The following TRAFD1 variants were observed in gnomAD, a reference collection of about 807,000 sequenced individuals.
TRAFD1 encodes TRAF-type zinc finger domain containing 1.
In TRAFD1, 38 loss-of-function variants were observed where a neutral mutation model predicts 65.3. That is an observed-to-expected ratio of 0.58 (90% CI 0.45 to 0.76). The LOEUF (loss-of-function observed/expected upper bound fraction) is 0.76, where lower values mean the gene tolerates loss of function less well. Among genes scored for constraint, TRAFD1 ranks in the 30% least tolerant of loss-of-function variants. The pLI is 0.00. For missense variants in TRAFD1, 631 were observed against 712.6 expected (o/e 0.89, Z 1.30); for synonymous variants, 223 against 257.2 (o/e 0.87, Z 1.27).
intron 4 of TRAFD1, among the ~76,000 whole-genome samples, chr12:112,138,252 A>G (rs574646078): frequency 1.3e-5 from 2 of 152,152 alleles, no homozygotes; most frequent in East Asian, 3.9e-4. Flanking sequence ...AAAAATAAAA[A>G]TAAAAATAAA....
intron 4 of TRAFD1, 111 bp downstream of exon 4, chr12:112,135,177 C>T: frequency 8.0e-7 from 1 of 1,245,014 alleles, no homozygotes; most frequent in Non-Finnish European, 1.2e-6. Flanking sequence ...AGCTCACATG[C>T]ATACTGTTTC....
intron 3 of TRAFD1, 55 bp downstream of exon 3, chr12:112,134,928 T>C: frequency 6.2e-7 from 1 of 1,612,162 alleles, no homozygotes; most frequent in Non-Finnish European, 8.5e-7. Context: ...CTGTTGTTCG[T>C]AAATGTATTC....
Position 112,140,824 on chromosome 12 carries a change from T to C in TRAFD1, c.243T>C (p.Thr81=), listed in dbSNP as rs1275463452. The C allele has an allele frequency of 3.7e-6, 6 of 1,613,952 alleles. No individual in the cohort carries two copies. The highest frequency in any genetic ancestry group is 5.1e-6 in the Non-Finnish European group (6 of 1,179,784). Reference sequence around the variant, plus strand: ...CTCATTCCTCTGTTTTGTAGGAGACTGAGTGCCCTTTGCGGCTTGCTGTCT... The same window carrying C: ...CTCATTCCTCTGTTTTGTAGGAGACCGAGTGCCCTTTGCGGCTTGCTGTCT... ...EKRLLKKHEE[T]ECPLRLAVCQ... is the part of the protein sequence containing the mutation. Residue 81 remains threonine (T), a synonymous_variant, in exon 5 of 12, where the codon ACT becomes ACC. Coordinates refer to ENST00000412615, the MANE Select transcript of TRAFD1 (RefSeq NM_006700.3).
At chr12:112,143,302 A>G (rs916993245) in intron 6 of TRAFD1, among the ~76,000 whole-genome samples, 2 of 152,018 alleles carry the variant, frequency 1.3e-5, no homozygotes, top group South Asian at 2.1e-4. Context: ...GATTGTCTCG[A>G]TCTCCTGACC....
chr12:112,134,520 T>C (rs561577329), intron 2 of TRAFD1, among the ~76,000 whole-genome samples: 1 of 152,138 alleles, frequency 6.6e-6, no homozygotes, highest in East Asian at 1.9e-4. Flanking sequence ...CTTCCCAAAG[T>C]GCTGAGATTA....
At chr12:112,135,211 C>T (rs554013624) in intron 4 of TRAFD1, 145 bp downstream of exon 4, 1 of 919,554 alleles carries the variant, frequency 1.1e-6, no homozygotes, top group East Asian at 2.6e-5. Context: ...GAGGCCTTGA[C>T]TATGTAACTG....
At chr12:112,126,375 A>G (rs1040215121) in intron 1 of TRAFD1, among the ~76,000 whole-genome samples, 1 of 151,576 alleles carries the variant, frequency 6.6e-6, no homozygotes, top group South Asian at 2.1e-4. Flanking sequence ...CTGTGCCTCA[A>G]CTCTTCCGTG....
chr12:112,138,807 G>A lies in TRAFD1; in HGVS notation c.238-2012G>A, dbSNP rs370438989. Among the ~76,000 whole-genome samples, 7 of 132,106 alleles carry A rather than the reference G, an allele frequency of 5.3e-5. No homozygotes were observed. The East Asian group carries it at 6.7e-4, about 13-fold the overall frequency. 86.7% of individuals were successfully genotyped at this position (132,106 alleles called of 152,430 possible). A position where few individuals can be genotyped will look rare whatever the true frequency, so the allele number is the denominator to read the frequency against. On this transcript the variant is annotated intron_variant, in intron 4 of 11. Transcript: ENST00000412615. ...CAGGAGGCAGAGGTTGCACTGAGTC[G>A]AAATCATGCCATTGTACTCCAGCCT... is the stretch of plus-strand genomic sequence containing the variant.
intron 4 of TRAFD1, among the ~76,000 whole-genome samples, chr12:112,136,905 C>T (rs781341110): frequency 1.2e-4 from 18 of 152,312 alleles, no homozygotes; most frequent in Non-Finnish European, 2.1e-4. Context: ...AACTGGCCAA[C>T]GTTGAATGAG....
At position 112,145,584 on chromosome 12, in the gene TRAFD1, A is replaced by C; in HGVS notation, c.851-2A>C. On this transcript the variant is annotated splice_acceptor_variant, in intron 6 of 11. Coordinates refer to ENST00000412615, the MANE Select transcript of TRAFD1 (RefSeq NM_006700.3). LOFTEE classifies it high-confidence loss of function. ...AGTCTCATTGTGTGGCCTAATACCT[A>C]GGTGCAGCTGACGAGATCATGTTGC... 1.2e-6 allele frequency: 2 copies of C among 1,614,098 alleles called. No individual in the cohort carries two copies. The highest frequency in any genetic ancestry group is 1.7e-6 in the Non-Finnish European group (2 of 1,179,980).
At chr12:112,133,965 C>A (rs947754275) in intron 2 of TRAFD1, among the ~76,000 whole-genome samples, 2 of 150,458 alleles carry the variant, frequency 1.3e-5, no homozygotes, top group Non-Finnish European at 3.0e-5. Context: ...CTCAGCCTCC[C>A]AATGTGCTGG....
chr12:112,142,149 AAG>A lies in TRAFD1; in HGVS notation c.709_710del (p.Ser237CysfsTer14). 6.2e-7 allele frequency: 1 copy of A among 1,614,010 alleles called. No homozygotes were observed. Among genetic ancestry groups the A allele is most frequent in the Non-Finnish European group, 8.5e-7 (1 of 1,179,994 alleles). ...CAACAGCCCCCCAAAGAGGGTGGTG[AAG>A]AGAGTGCAAACTTGGACTTCATGTT... On this transcript the variant is annotated frameshift_variant, in exon 6 of 12. Transcript: ENST00000412615. LOFTEE classifies it high-confidence loss of function.
Position 112,134,790 on chromosome 12 carries a change from AG to A in TRAFD1, c.102del (p.Asn35ThrfsTer28). ...TACCATCCATGAGATCCACTGTCAA[AG>A]GAACATTGGTATGTGTCCTACCTGT... The part of the protein sequence containing the change: ...NFTIHEIHCQ[R>X]NIGMCPTCKE... On this transcript the variant is annotated frameshift_variant, in exon 3 of 12. Coordinates refer to ENST00000412615, the MANE Select transcript of TRAFD1 (RefSeq NM_006700.3). LOFTEE classifies it high-confidence loss of function. 6.2e-7 allele frequency: 1 copy of A among 1,613,698 alleles called. No homozygotes were observed. Among genetic ancestry groups the A allele is most frequent in the Non-Finnish European group, 8.5e-7 (1 of 1,179,562 alleles).
chr12:112,143,204 C>A (rs556586975), intron 6 of TRAFD1, among the ~76,000 whole-genome samples: 1 of 151,902 alleles, frequency 6.6e-6, no homozygotes, highest in Non-Finnish European at 1.5e-5. Flanking sequence ...CTCAGTCTCC[C>A]GAGTAGCTGG....
rs147594088 is a variant in TRAFD1 at position 112,140,981 on chromosome 12, G to T, written c.400G>T (p.Val134Phe). 6.2e-7 allele frequency: 1 copy of T among 1,614,068 alleles called. No homozygotes were observed. Among genetic ancestry groups the T allele is most frequent in the African/African-American group, 1.3e-5 (1 of 74,920 alleles). ...LVKDLKTHPE[V>F]CGREGEEKRN... Reference sequence around the variant, plus strand: ...GAAAGATCTGAAGACTCACCCTGAAGTTTGTGGGAGAGAGGGGGAGGAAAA... The same window carrying T: ...GAAAGATCTGAAGACTCACCCTGAATTTTGTGGGAGAGAGGGGGAGGAAAA... The change falls in exon 5 of 12, where the codon GTT becomes TTT. Residue 134 changes from valine (V) to phenylalanine (F), a missense_variant. Transcript: ENST00000412615.
In TRAFD1 at chr12:112,152,030, TG is replaced by T; in HGVS notation, c.1513del (p.Ala505ProfsTer2). The T allele has an allele frequency of 6.2e-7, 1 of 1,614,228 alleles. No individual in the cohort carries two copies. Among genetic ancestry groups the T allele is most frequent in the Non-Finnish European group, 8.5e-7 (1 of 1,180,042 alleles). ...IQGRNRDSQN[G>X]AIAPGHVSVI... The stretch of plus-strand genomic sequence containing the variant: ...AGGGGCGGAATCGAGACAGCCAGAA[TG>T]GGGCCATAGCCCCTGGGCACGTTTC... On this transcript the variant is annotated frameshift_variant, in exon 10 of 12. Transcript: ENST00000412615. LOFTEE classifies it high-confidence loss of function. This position sits in a 1 kb window ranked among gnomAD's most constrained non-coding sequence, Gnocchi z 5.0.
chr12:112,150,119 T>C (rs1379582130), intron 9 of TRAFD1, among the ~76,000 whole-genome samples: 2 of 152,228 alleles, frequency 1.3e-5, no homozygotes, highest in Admixed American at 6.5e-5. Context: ...AGTAAGTGCT[T>C]GTAATAAGTT....
At chr12:112,139,154 C>T (rs1385123789) in intron 4 of TRAFD1, among the ~76,000 whole-genome samples, 1 of 151,908 alleles carries the variant, frequency 6.6e-6, no homozygotes, top group Non-Finnish European at 1.5e-5. Context: ...ACCTGGGCAA[C>T]ATAAGGAGAC....
rs201346904 is a variant in TRAFD1, at chr12:112,152,017, G to T, written c.1496G>T (p.Arg499Leu). 1 of 1,614,228 alleles carries T rather than the reference G, an allele frequency of 6.2e-7. No individual in the cohort carries two copies. Among genetic ancestry groups the T allele is most frequent in the East Asian group, 2.2e-5 (1 of 44,882 alleles). Residue 499 changes from arginine (R) to leucine (L), a missense_variant, in exon 10 of 12, where the codon CGA becomes CTA. Arg to Leu is a moderately radical substitution (Grantham distance 102). Transcript: ENST00000412615. The surrounding 1 kb of genome is among the most constrained non-coding windows in gnomAD (Gnocchi z 5.0). ...AGCCAGGACATCCAGGGGCGGAATC[G>T]AGACAGCCAGAATGGGGCCATAGCC... The part of the protein sequence containing the change: ...SDSQDIQGRN[R>L]DSQNGAIAPG...
Sources: gnomAD v4.1 joint callset for allele counts (sites outside exome capture counted in the v4.1 genomes callset) on GRCh38, gnomAD v4.1.1 for gene constraint, Gnocchi (gnomAD v3.1) non-coding constraint, MANE v1.5 for transcripts, NCBI Gene and HGNC (gene_info 2026-07-23, HGNC 2026-07-21) for gene names.